The following RGS6 variants were observed in gnomAD, a reference collection of about 807,000 sequenced individuals.
The protein encoded by RGS6 is regulator of G protein signaling 6.
Under a neutral mutation model 78.5 loss-of-function variants are expected in RGS6, and 30 were observed. The ratio of observed to expected loss-of-function variants is 0.38; its 90% confidence interval spans 0.29 to 0.52. The LOEUF (loss-of-function observed/expected upper bound fraction) is 0.52. Ranked by LOEUF, RGS6 falls within the 20% of genes least tolerant of loss-of-function variation. The pLI is 0.85. For synonymous variants in RGS6, 206 were observed against 206.0 expected (o/e 1.00, Z 0.00); for missense variants, 495 against 609.7 (o/e 0.81, Z 1.98).
intron 2 of RGS6, among the ~76,000 whole-genome samples, chr14:72,153,043 C>G (rs1567324864): frequency 6.6e-6 from 1 of 152,126 alleles, no homozygotes; most frequent in South Asian, 2.1e-4. Context: ...TCCCAAGACC[C>G]CTCCCCCAGT....
intron 2 of RGS6, among the ~76,000 whole-genome samples, chr14:72,347,514 G>A (rs1290263436): frequency 6.6e-6 from 1 of 152,218 alleles, no homozygotes; most frequent in Non-Finnish European, 1.5e-5. Context: ...GTCTGAAAAG[G>A]TTGTTGGCAG....
intron 2 of RGS6, among the ~76,000 whole-genome samples, chr14:72,204,279 C>A (rs1416983696): frequency 6.6e-6 from 1 of 152,184 alleles, no homozygotes; most frequent in Non-Finnish European, 1.5e-5. Flanking sequence ...AAGCAACATA[C>A]CACCATTCTG....
chr14:72,337,475 C>T (rs1014862904), intron 2 of RGS6, among the ~76,000 whole-genome samples: 2 of 152,084 alleles, frequency 1.3e-5, no homozygotes, highest in African/African-American at 4.8e-5. Context: ...GGTTCTCCCT[C>T]TACTTACAAC....
At chr14:72,293,026 A>G (rs1238235469) in intron 2 of RGS6, among the ~76,000 whole-genome samples, 3 of 152,202 alleles carry the variant, frequency 2.0e-5, no homozygotes, top group African/African-American at 7.2e-5. Context: ...TATTCTGCAT[A>G]TCTAAGAATT....
At position 72,518,583 on chromosome 14, in the gene RGS6, C is replaced by T. The variant is rs1308904440; in HGVS notation, c.1278+46C>T. The T allele has an allele frequency of 2.6e-6, 4 of 1,536,308 alleles. No individual in the cohort carries two copies. In the East Asian group the frequency reaches 9.1e-5, roughly 35 times the overall value. On this transcript the variant is annotated intron_variant, in intron 15 of 17. Transcript: ENST00000553525. ...GGTTGTCATAAGGTGTTCATTTGTC[C>T]CCTTCATTGCCTGACCTATTAACAC...
chr14:72,620,427 T>C, the RGS6 span, among the ~76,000 whole-genome samples: 8 of 152,240 alleles, frequency 5.3e-5, no homozygotes, highest in Non-Finnish European at 1.2e-4. Context: ...GGCCAACAGC[T>C]GTACTGGGAT....
intron 3 of RGS6, among the ~76,000 whole-genome samples, chr14:72,381,560 T>TA (rs1341186894): frequency 6.6e-6 from 1 of 152,124 alleles, no homozygotes; most frequent in Non-Finnish European, 1.5e-5. Context: ...TGTGCTCTGA[T>TA]AAAATAACAA....
intron 3 of RGS6, among the ~76,000 whole-genome samples, chr14:72,383,180 A>ATG (rs2086700659): frequency 1.4e-5 from 1 of 71,794 alleles, no homozygotes; most frequent in Non-Finnish European, 2.5e-5. Context: ...AATTGTACAT[A>ATG]TATATATATA....
chr14:72,459,488 T>G (rs2095718807), intron 5 of RGS6, 144 bp from the exon 6 acceptor site: 5 of 712,564 alleles, frequency 7.0e-6, no homozygotes, highest in Non-Finnish European at 1.2e-5. Context: ...TTAGCTGAAT[T>G]AGAGAAGAGG....
intron 3 of RGS6, among the ~76,000 whole-genome samples, chr14:72,404,439 C>T (rs2092742210): frequency 6.6e-6 from 1 of 152,116 alleles, no homozygotes; most frequent in African/African-American, 2.4e-5. Context: ...CCTCGGATTC[C>T]AGATCCTGAG....
the RGS6 span, among the ~76,000 whole-genome samples, chr14:72,591,041 T>C: frequency 2.4e-3 from 359 of 150,036 alleles, 2 homozygotes; most frequent in African/African-American, 8.6e-3. Context: ...GTACCAGTAT[T>C]GTAAAACATA....
chr14:72,026,399 T>C (rs1320740645), intron 2 of RGS6, among the ~76,000 whole-genome samples: 1 of 151,774 alleles, frequency 6.6e-6, no homozygotes, highest in African/African-American at 2.4e-5. Context: ...AGACAGAGAC[T>C]CCATCTCAAA....
chr14:72,152,245 AGTGTGTGTGTGT>A (rs10686344), intron 2 of RGS6, among the ~76,000 whole-genome samples: 26 of 97,142 alleles, frequency 2.7e-4, no homozygotes, highest in Admixed American at 6.3e-4. Flanking sequence ...AGAGAGAGAG[AGTGTGTGTGTGT>A]GTGTGTGTGT....
chr14:72,431,771 G>A (rs940781235), intron 3 of RGS6, among the ~76,000 whole-genome samples: 6 of 152,114 alleles, frequency 3.9e-5, no homozygotes, highest in African/African-American at 1.4e-4. Context: ...GATATGGACA[G>A]GGAGAGCCCT....
chr14:72,178,201 A>T (rs1193017942), intron 2 of RGS6, among the ~76,000 whole-genome samples: 1 of 152,206 alleles, frequency 6.6e-6, no homozygotes, highest in East Asian at 1.9e-4. Context: ...CACTGTAGCT[A>T]GCATCACATA....
chr14:72,451,953 T>C (rs944018026), intron 3 of RGS6, among the ~76,000 whole-genome samples: 2 of 152,128 alleles, frequency 1.3e-5, no homozygotes, highest in African/African-American at 4.8e-5. Context: ...GGTTTCACCA[T>C]GTTGGCCAGG....
chr14:72,624,608 G>A, the RGS6 span, among the ~76,000 whole-genome samples: 1 of 152,100 alleles, frequency 6.6e-6, no homozygotes, highest in East Asian at 1.9e-4. Context: ...CAAAGTGCTG[G>A]GATTACAGGC....
At chr14:71,986,937 C>T (rs2094737888) in intron 2 of RGS6, among the ~76,000 whole-genome samples, 1 of 152,098 alleles carries the variant, frequency 6.6e-6, no homozygotes, top group Admixed American at 6.6e-5. Flanking sequence ...TCTGACCTTC[C>T]TTTCTCTCTC....
intron 7 of RGS6, among the ~76,000 whole-genome samples, chr14:72,467,475 CCCAAGCCTA>C (rs145818863): frequency 0.045 from 6,806 of 152,140 alleles, 277 homozygotes; most frequent in Admixed American, 0.099. Flanking sequence ...GGTTCATGTT[CCCAAGCCTA>C]CCAAGCCTAC....
Sources: gnomAD v4.1 joint callset for allele counts (sites outside exome capture counted in the v4.1 genomes callset) on GRCh38, gnomAD v4.1.1 for gene constraint, MANE v1.5 for transcripts, NCBI Gene and HGNC (gene_info 2026-07-23, HGNC 2026-07-21) for gene names.